ACOXL: variants seen among roughly 807,000 people sequenced by gnomAD.
The protein encoded by ACOXL is acyl-coenzyme A oxidase-like protein.
A neutral mutation model predicts 71.9 loss-of-function variants in ACOXL; 70 were observed. The observed-to-expected ratio is 0.97, with a 90% CI of 0.80 to 1.19. The LOEUF is 1.19. ACOXL is among the 50% of genes most tolerant of loss of function. ACOXL has a pLI of 0.00. For synonymous variants in ACOXL, 253 were observed against 281.6 expected, an observed-to-expected ratio of 0.90 and a Z score of 1.02; for missense variants, 703 against 736.3, an observed-to-expected ratio of 0.95 and a Z score of 0.52.
At chr2:110,846,641 G>GCGCGCACACACACACACACA (rs148602789) in intron 10 of ACOXL, among the ~76,000 whole-genome samples, 10 of 137,928 alleles carry the variant, frequency 7.3e-5, no homozygotes, top group African/African-American at 1.9e-4. Flanking sequence ...ATGCATACAC[G>GCGCGCACACACACACACACA]CACACACACA....
chr2:110,775,940 C>G (rs1372395745), intron 2 of ACOXL, among the ~76,000 whole-genome samples: 1 of 152,168 alleles, frequency 6.6e-6, no homozygotes, highest in Non-Finnish European at 1.5e-5. Context: ...AGCAAGGGCT[C>G]AGAGAGCTAT....
chr2:110,995,519 G>A (rs116292757), intron 13 of ACOXL, among the ~76,000 whole-genome samples: 8,402 of 46,434 alleles, frequency 0.18, 59 homozygotes, highest in South Asian at 0.22. Flanking sequence ...AAAAAAAAAA[G>A]AATTGTATAA....
chr2:110,806,910 A>G (rs1481468662), intron 9 of ACOXL, among the ~76,000 whole-genome samples: 1 of 151,522 alleles, frequency 6.6e-6, no homozygotes, highest in African/African-American at 2.4e-5. Context: ...CAGACCAGGC[A>G]GAGGTGGGAG....
intron 10 of ACOXL, among the ~76,000 whole-genome samples, chr2:110,907,940 T>C (rs891971239): frequency 6.6e-6 from 1 of 152,220 alleles, no homozygotes; most frequent in Admixed American, 6.5e-5. Context: ...CCCACCATGC[T>C]TGATAACATA....
At chr2:110,882,491 T>G (rs1164522480) in intron 10 of ACOXL, among the ~76,000 whole-genome samples, 1 of 152,184 alleles carries the variant, frequency 6.6e-6, no homozygotes, top group Non-Finnish European at 1.5e-5. Context: ...ACATATTATT[T>G]TTTTTCTTTT....
intron 17 of ACOXL, among the ~76,000 whole-genome samples, chr2:111,109,860 G>A (rs1416467469): frequency 6.6e-6 from 1 of 151,568 alleles, no homozygotes; most frequent in Non-Finnish European, 1.5e-5. Flanking sequence ...TGTATTTTTA[G>A]TAGAGACAGG....
intron 10 of ACOXL, among the ~76,000 whole-genome samples, chr2:110,883,117 T>TC (rs1273949275): frequency 2.0e-5 from 3 of 147,620 alleles, no homozygotes; most frequent in African/African-American, 7.5e-5. Context: ...GTTTTTTTTT[T>TC]TTTTTTTTTT....
chr2:111,096,595 T>C (rs557594163), intron 17 of ACOXL, among the ~76,000 whole-genome samples: 1 of 152,348 alleles, frequency 6.6e-6, no homozygotes, highest in South Asian at 2.1e-4. Flanking sequence ...TATTGTATTT[T>C]ATTTTTTATA....
intron 12 of ACOXL, among the ~76,000 whole-genome samples, chr2:110,959,955 C>T (rs2061639781): frequency 6.6e-6 from 1 of 152,118 alleles, no homozygotes; most frequent in Non-Finnish European, 1.5e-5. Context: ...ACAGGTGATC[C>T]CAGTCAGATC....
chr2:111,087,796 T>C (rs1240384579), intron 16 of ACOXL, among the ~76,000 whole-genome samples: 1 of 152,108 alleles, frequency 6.6e-6, no homozygotes, highest in Non-Finnish European at 1.5e-5. Context: ...AATTAACAAA[T>C]GGGATCTAAT....
intron 12 of ACOXL, among the ~76,000 whole-genome samples, chr2:110,935,068 A>G (rs1355864404): frequency 6.6e-6 from 1 of 151,976 alleles, no homozygotes; most frequent in East Asian, 1.9e-4. Context: ...AACACAGCCC[A>G]GGGATTCGGG....
chr2:110,743,655 A>G (rs543577794), intron 1 of ACOXL, among the ~76,000 whole-genome samples: 4 of 152,144 alleles, frequency 2.6e-5, no homozygotes, highest in African/African-American at 9.7e-5. Context: ...GGAAGGACCA[A>G]TGCACCATTC....
chr2:111,077,675 TGAAC>T (rs1282146722), intron 16 of ACOXL, among the ~76,000 whole-genome samples: 1 of 152,232 alleles, frequency 6.6e-6, no homozygotes, highest in Non-Finnish European at 1.5e-5. Context: ...TCCTAATTTC[TGAAC>T]GATCATTTAC....
chr2:110,874,349 C>T (rs1373126579), intron 10 of ACOXL, among the ~76,000 whole-genome samples: 2 of 152,042 alleles, frequency 1.3e-5, no homozygotes, highest in Non-Finnish European at 2.9e-5. Context: ...GTCTCTCCCA[C>T]CCCCACCCCA....
chr2:110,768,042 G>T (rs1475150341), intron 1 of ACOXL, among the ~76,000 whole-genome samples: 1 of 151,974 alleles, frequency 6.6e-6, no homozygotes. Context: ...TGAGGCAGGA[G>T]AATCGCTTGA....
intron 12 of ACOXL, among the ~76,000 whole-genome samples, chr2:110,936,107 T>C (rs1410276993): frequency 6.6e-6 from 1 of 152,100 alleles, no homozygotes; most frequent in Admixed American, 6.6e-5. Context: ...CTGGTACTGG[T>C]CCATGGCCTG....
At chr2:110,807,060 C>T (rs1686741074) in intron 9 of ACOXL, among the ~76,000 whole-genome samples, 1 of 152,158 alleles carries the variant, frequency 6.6e-6, no homozygotes, top group Non-Finnish European at 1.5e-5. Flanking sequence ...TGGACCAGCC[C>T]CTGCCAGGCC....
rs115405802 is a variant in ACOXL at position 110,981,575 on chromosome 2, T to C, written c.1060-5533T>C. Among the ~76,000 whole-genome samples, 595 of 152,336 alleles carry C rather than the reference T, an allele frequency of 3.9e-3. 4 individuals are homozygous for C. Among genetic ancestry groups the C allele is most frequent in the African/African-American group, 0.014 (564 of 41,564 alleles). On this transcript the variant is annotated intron_variant, in intron 12 of 17. Transcript: ENST00000439055. ...TGGAACAGAGCTTAGCCTTAGTAGA[T>C]AGATGCTCAAAGAAAATGAGTAGTT... is the stretch of plus-strand genomic sequence containing the variant.
chr2:111,071,373 A>G (rs2067334079), intron 16 of ACOXL, among the ~76,000 whole-genome samples: 1 of 152,196 alleles, frequency 6.6e-6, no homozygotes, highest in Non-Finnish European at 1.5e-5. Context: ...GGGGAGCCAC[A>G]GGGATTAGAG....
Sources: allele counts gnomAD v4.1 joint callset (sites outside exome capture counted in the v4.1 genomes callset), GRCh38; gene constraint gnomAD v4.1.1; transcripts MANE v1.5; gene names NCBI Gene and HGNC (gene_info 2026-07-23, HGNC 2026-07-21).